The following SSBP3 variants were observed in gnomAD, a reference collection of about 807,000 sequenced individuals.
SSBP3 encodes the protein single-stranded DNA-binding protein 3.
In SSBP3, 5 loss-of-function variants were observed where a neutral mutation model predicts 69.6. That is an observed-to-expected ratio of 0.07 (90% CI 0.04 to 0.15). The LOEUF is 0.15. SSBP3 is among the 10% of genes least tolerant of loss of function. SSBP3 has a pLI of 1.00. For synonymous variants in SSBP3, 196 were observed against 193.4 expected, an observed-to-expected ratio of 1.01 and a Z score of -0.11; for missense variants, 312 against 534.0, an observed-to-expected ratio of 0.58 and a Z score of 4.10.
At chr1:54,339,133 C>T (rs939257702) in intron 4 of SSBP3, among the ~76,000 whole-genome samples, 12 of 151,990 alleles carry the variant, frequency 7.9e-5, no homozygotes, top group African/African-American at 2.4e-4. Context: ...AGACCCTTCA[C>T]CTATCACCAT....
At chr1:54,385,936 C>T (rs145270782) in intron 4 of SSBP3, among the ~76,000 whole-genome samples, 115 of 152,286 alleles carry the variant, frequency 7.6e-4, no homozygotes, top group Middle Eastern at 6.8e-3. Flanking sequence ...TCATCAGACA[C>T]AAAAAGTAAA....
chr1:54,380,175 G>A (rs990139200), intron 4 of SSBP3, among the ~76,000 whole-genome samples: 3 of 152,218 alleles, frequency 2.0e-5, no homozygotes, highest in African/African-American at 4.8e-5. Context: ...CCCACACCAG[G>A]TCATGGGCAG....
intron 4 of SSBP3, among the ~76,000 whole-genome samples, chr1:54,399,711 G>T (rs929573205): frequency 5.3e-5 from 8 of 152,202 alleles, no homozygotes; most frequent in African/African-American, 1.9e-4. Context: ...AAGAAGGAAT[G>T]AAGGTTAACT....
exon 12 of SSBP3, chr1:54,241,496 G>A (rs1343772595): frequency 6.2e-7 from 1 of 1,614,140 alleles, no homozygotes; most frequent in Non-Finnish European, 8.5e-7. Context: ...AGGTGATGAG[G>A]AGGAGTATGG....
Position 54,239,777 on chromosome 1 carries a change from G to A in SSBP3, c.857-578C>T, listed in dbSNP as rs564751077. On this transcript the variant is annotated intron_variant, in intron 13 of 17. Transcript: ENST00000610401. Reference sequence around the variant, plus strand: ...AGCCGGAGTGGGAGCCCAGGATCCCGGCTGCGGCCAGCTCCACCCCTGCAG... The same window carrying A: ...AGCCGGAGTGGGAGCCCAGGATCCCAGCTGCGGCCAGCTCCACCCCTGCAG... 1.3e-4 allele frequency among the ~76,000 whole-genome samples: 20 copies of A among 152,262 alleles called. No homozygotes were observed. The South Asian group carries it at 2.3e-3, about 17-fold the overall frequency.
At position 54,363,944 on chromosome 1, in the gene SSBP3, C is replaced by A. The variant is rs150065351; in HGVS notation, c.276+37917G>T. On this transcript the variant is annotated intron_variant, in intron 4 of 17. Transcript: ENST00000610401. ...GCAACCAGAGGGGAAACAAAGGGGG[C>A]AGACCAGATTCATGGCAAGGCCAGG... Among the ~76,000 whole-genome samples the A allele has an allele frequency of 1.1e-3, 175 of 152,296 alleles. 1 individual carries two copies. The highest frequency in any genetic ancestry group is 4.0e-3 in the African/African-American group (168 of 41,572).
intron 9 of SSBP3, among the ~76,000 whole-genome samples, chr1:54,246,936 G>A (rs914928810): frequency 6.6e-6 from 1 of 152,270 alleles, no homozygotes; most frequent in African/African-American, 2.4e-5. Flanking sequence ...CCACGTGGCT[G>A]GAGGTGATGA....
exon 18 of SSBP3, chr1:54,227,111 G>A (rs778380186): frequency 6.3e-7 from 1 of 1,582,386 alleles, no homozygotes; most frequent in African/African-American, 1.4e-5. Flanking sequence ...TGCTCTCTCA[G>A]CGTCTCGGAG....
At chr1:54,271,010 G>C (rs545963308) in intron 5 of SSBP3, among the ~76,000 whole-genome samples, 6 of 152,206 alleles carry the variant, frequency 3.9e-5, no homozygotes, top group Non-Finnish European at 7.3e-5. Flanking sequence ...GAGCTGACTG[G>C]CACGCTGGGA....
At position 54,258,105 on chromosome 1, in the gene SSBP3, A is replaced by G; in HGVS notation, c.411T>C (p.Pro137=). ...GTCCCATCATGCTGCTAGGATTGTG[A>G]GGTGGAGGCTGTGCGTGCGGCGAGG... The change falls in exon 6 of 18, where the codon CCT becomes CCC. Residue 137 remains proline (P), a synonymous_variant. Coordinates refer to ENST00000610401, the Ensembl canonical transcript of SSBP3. This position sits in a 1 kb window ranked among gnomAD's most constrained non-coding sequence, Gnocchi z 4.5. 1 of 1,598,220 alleles carries G rather than the reference A, an allele frequency of 6.3e-7. No homozygotes were observed. Among genetic ancestry groups the G allele is most frequent in the Non-Finnish European group, 8.5e-7 (1 of 1,174,056 alleles).
At chr1:54,389,281 G>C (rs894428181) in intron 4 of SSBP3, among the ~76,000 whole-genome samples, 3 of 152,120 alleles carry the variant, frequency 2.0e-5, no homozygotes, top group African/African-American at 7.2e-5. Context: ...CACAGGGGGT[G>C]GTAGGAGATT....
intron 4 of SSBP3, among the ~76,000 whole-genome samples, chr1:54,290,319 G>GT (rs1425067859): frequency 2.6e-5 from 4 of 152,180 alleles, no homozygotes; most frequent in Non-Finnish European, 5.9e-5. Context: ...TGACCCTTAG[G>GT]TAAGGTGCCC....
rs61443250 is a variant in SSBP3, at chr1:54,282,041, A to AAATAATAATAATAATAATAATAAT, written c.277-538_277-515dup. Among the ~76,000 whole-genome samples the AAATAATAATAATAATAATAATAAT allele has an allele frequency of 6.4e-4, 92 of 142,898 alleles. 1 individual carries two copies. The highest frequency in any genetic ancestry group is 4.3e-3 in the South Asian group (19 of 4,468). The allele number at this position is 142,898 out of a possible 152,430, so 93.7% of individuals were successfully genotyped here. A position where few individuals can be genotyped will look rare whatever the true frequency, so the allele number is the denominator to read the frequency against. ...AGCCCAAAAGGTTCAGCCCTATCTCAAATAATAATAATAATAATAATAATA... is the reference window on the plus strand; with the variant it reads ...AGCCCAAAAGGTTCAGCCCTATCTCAAATAATAATAATAATAATAATAATAATAATAATAATAATAATAATAATA... On this transcript the variant is annotated intron_variant, in intron 4 of 17. Coordinates refer to ENST00000610401, the Ensembl canonical transcript of SSBP3.
At chr1:54,343,736 G>C (rs968202239) in intron 4 of SSBP3, among the ~76,000 whole-genome samples, 2 of 152,156 alleles carry the variant, frequency 1.3e-5, no homozygotes, top group African/African-American at 4.8e-5. Context: ...ATATCTACTT[G>C]ACACACATAA....
chr1:54,307,159 A>G (rs961614327), intron 4 of SSBP3, among the ~76,000 whole-genome samples: 2 of 152,110 alleles, frequency 1.3e-5, no homozygotes, highest in African/African-American at 4.8e-5. Context: ...CCTAGAGCCC[A>G]GGGCCCAGGG....
intron 4 of SSBP3, among the ~76,000 whole-genome samples, chr1:54,330,533 G>C (rs1356857034): frequency 1.3e-5 from 2 of 152,128 alleles, no homozygotes; most frequent in Non-Finnish European, 2.9e-5. Context: ...CCAGAGCAAG[G>C]GCGACCGCTT....
intron 4 of SSBP3, among the ~76,000 whole-genome samples, chr1:54,373,966 G>T (rs72665952): frequency 0.1 from 15,540 of 151,970 alleles, 1,043 homozygotes; most frequent in East Asian, 0.28. Flanking sequence ...AGTTCATCCC[G>T]TTATCCCCAC....
At chr1:54,365,868 A>G (rs1647022142) in intron 4 of SSBP3, among the ~76,000 whole-genome samples, 1 of 152,196 alleles carries the variant, frequency 6.6e-6, no homozygotes, top group Non-Finnish European at 1.5e-5. Context: ...TAGTTTGCCT[A>G]TGCTCAAATC....
chr1:54,238,170 T>C (rs1350247541), intron 14 of SSBP3: 1 of 471,050 alleles, frequency 2.1e-6, no homozygotes, highest in Admixed American at 2.3e-5. Flanking sequence ...CTGCTGGATG[T>C]AGGCAATATC....
Sources: gnomAD v4.1 joint callset for allele counts (sites outside exome capture counted in the v4.1 genomes callset) on GRCh38, gnomAD v4.1.1 for gene constraint, Gnocchi (gnomAD v3.1) non-coding constraint, MANE v1.5 for transcripts, NCBI Gene and HGNC (gene_info 2026-07-23, HGNC 2026-07-21) for gene names.